Variants in PRKN observed in about 807,000 individuals in gnomAD.
PRKN encodes E3 ubiquitin-protein ligase parkin.
PRKN carries 56 observed loss-of-function variants against 59.5 expected under a neutral mutation model. The ratio of observed to expected loss-of-function variants is 0.94; its 90% CI spans 0.76 to 1.18. PRKN has a LOEUF of 1.18. Among genes scored for constraint, PRKN ranks in the 50% most tolerant of loss-of-function variants. The pLI is 0.00. For missense variants in PRKN, 657 were observed against 596.4 expected, an observed-to-expected ratio of 1.10 and a Z score of -1.06; for synonymous variants, 250 against 222.1, an observed-to-expected ratio of 1.13 and a Z score of -1.12.
At chr6:161,927,752 G>A (rs1779020827) in intron 6 of PRKN, among the ~76,000 whole-genome samples, 2 of 151,390 alleles carry the variant, frequency 1.3e-5, no homozygotes, top group South Asian at 2.1e-4. Flanking sequence ...TCCAGCCTGG[G>A]CAACAAAGTG....
At chr6:161,612,066 G>A (rs1285774874) in intron 7 of PRKN, among the ~76,000 whole-genome samples, 2 of 152,216 alleles carry the variant, frequency 1.3e-5, no homozygotes, top group Non-Finnish European at 2.9e-5. Flanking sequence ...GGCTGAGAGA[G>A]GTGAGGAAGC....
chr6:161,478,187 C>T (rs903210003), intron 9 of PRKN, among the ~76,000 whole-genome samples: 2 of 152,166 alleles, frequency 1.3e-5, no homozygotes, highest in African/African-American at 2.4e-5. Context: ...TGAAAGGGAA[C>T]ATAGTAGCAG....
intron 3 of PRKN, among the ~76,000 whole-genome samples, chr6:162,205,813 C>T (rs1784911743): frequency 6.6e-6 from 1 of 152,020 alleles, no homozygotes; most frequent in Non-Finnish European, 1.5e-5. Flanking sequence ...GAACTTGAAA[C>T]TTAGTGAGGA....
chr6:161,672,506 T>A (rs1236415629), intron 7 of PRKN, among the ~76,000 whole-genome samples: 1 of 152,204 alleles, frequency 6.6e-6, no homozygotes, highest in African/African-American at 2.4e-5. Context: ...CTGGGTGCAG[T>A]GGCTCATGTC....
intron 4 of PRKN, among the ~76,000 whole-genome samples, chr6:162,200,220 T>C (rs1291824976): frequency 1.3e-5 from 2 of 152,184 alleles, no homozygotes; most frequent in Non-Finnish European, 2.9e-5. Flanking sequence ...CCGCGGGGAC[T>C]GGACACGCTC....
intron 2 of PRKN, among the ~76,000 whole-genome samples, chr6:162,367,258 C>T (rs902767003): frequency 3.9e-5 from 6 of 152,172 alleles, no homozygotes; most frequent in Non-Finnish European, 8.8e-5. Context: ...GAGGCCTCTC[C>T]AGCCATGCAG....
intron 7 of PRKN, among the ~76,000 whole-genome samples, chr6:161,693,217 A>G (rs990211768): frequency 6.6e-6 from 1 of 152,218 alleles, no homozygotes; most frequent in Non-Finnish European, 1.5e-5. Flanking sequence ...TTTAAATGGC[A>G]CACAGGGCAA....
chr6:162,431,552 T>G (rs946390656), intron 2 of PRKN, among the ~76,000 whole-genome samples: 5 of 150,872 alleles, frequency 3.3e-5, no homozygotes, highest in African/African-American at 9.9e-5. Context: ...AGCAAGACTC[T>G]GTCTCAAAAA....
At chr6:161,956,925 G>C (rs1264210870) in intron 6 of PRKN, among the ~76,000 whole-genome samples, 1 of 152,120 alleles carries the variant, frequency 6.6e-6, no homozygotes. Context: ...TTTCAACTTA[G>C]TGTTGTCACC....
At chr6:161,501,769 C>A (rs1777972949) in intron 9 of PRKN, among the ~76,000 whole-genome samples, 1 of 152,100 alleles carries the variant, frequency 6.6e-6, no homozygotes, top group South Asian at 2.1e-4. Flanking sequence ...GTACAAGGCT[C>A]AGTGGCTTCT....
chr6:162,694,837 T>C (rs888789919), intron 1 of PRKN: 1 of 152,244 alleles, frequency 6.6e-6, no homozygotes, highest in African/African-American at 2.4e-5. Context: ...TCGTAAAAGC[T>C]TTAGCACAGT....
chr6:162,558,370 C>A (rs1358822941), intron 1 of PRKN, among the ~76,000 whole-genome samples: 1 of 145,586 alleles, frequency 6.9e-6, no homozygotes, highest in East Asian at 2.1e-4. Flanking sequence ...GCTCTTCTTG[C>A]CCAGGCTGGA....
At chr6:162,588,575 G>A (rs909739439) in intron 1 of PRKN, among the ~76,000 whole-genome samples, 6 of 151,610 alleles carry the variant, frequency 4.0e-5, no homozygotes, top group African/African-American at 9.7e-5. Flanking sequence ...TTTTGGAGAC[G>A]GAGTCTGGCT....
At chr6:162,497,480 T>G (rs73608415) in intron 1 of PRKN, among the ~76,000 whole-genome samples, 2,689 of 152,342 alleles carry the variant, frequency 0.018, 73 homozygotes, top group African/African-American at 0.062. Flanking sequence ...TATGAGCAAA[T>G]TGGCTCTACA....
intron 7 of PRKN, among the ~76,000 whole-genome samples, chr6:161,673,125 C>A (rs1784968461): frequency 6.6e-6 from 1 of 152,138 alleles, no homozygotes; most frequent in Admixed American, 6.5e-5. Context: ...GCCCGGCACT[C>A]CCCTGAGGAC....
chr6:162,579,668 TACAC>T (rs201207731), intron 1 of PRKN, among the ~76,000 whole-genome samples: 6 of 151,338 alleles, frequency 4.0e-5, no homozygotes, highest in Non-Finnish European at 5.9e-5. Context: ...CACACACAGA[TACAC>T]ACAGATTCAC....
In PRKN at chr6:161,789,430, C is replaced by G. The variant is rs534008646; in HGVS notation, c.735-3522G>C. Among the ~76,000 whole-genome samples the G allele has an allele frequency of 4.6e-5, 7 of 152,244 alleles. No homozygotes were observed. The South Asian group carries it at 1.0e-3, about 23-fold the overall frequency. On this transcript the variant is annotated intron_variant, in intron 6 of 11. Transcript: ENST00000366898. The stretch of plus-strand genomic sequence containing the variant: ...TCCAGCTGGGAAGGTCCTTGCGTAG[C>G]CTAGGATTCTTCTAGTTCCTGTACA...
intron 4 of PRKN, among the ~76,000 whole-genome samples, chr6:162,073,440 T>C (rs1280348490): frequency 1.3e-5 from 2 of 152,154 alleles, no homozygotes; most frequent in South Asian, 2.1e-4. Flanking sequence ...TTTGGGTTTT[T>C]TTGTTGTTGT....
At chr6:161,895,610 CCACCCCACCTGCTGTTATGCT>C (rs1265090987) in intron 6 of PRKN, among the ~76,000 whole-genome samples, 5 of 120,486 alleles carry the variant, frequency 4.1e-5, no homozygotes, top group African/African-American at 9.7e-5. Context: ...AGGAGCACGC[CCACCCCACCTGCTGTTATGCT>C]CCCCAGTGAG....
Sources: gnomAD v4.1 joint callset for allele counts (sites outside exome capture counted in the v4.1 genomes callset) on GRCh38, gnomAD v4.1.1 for gene constraint, MANE v1.5 for transcripts, NCBI Gene and HGNC (gene_info 2026-07-23, HGNC 2026-07-21) for gene names.